Variants in SLC6A4 observed in about 807,000 individuals in gnomAD.
The protein encoded by SLC6A4 is sodium-dependent serotonin transporter.
SLC6A4 carries 22 observed loss-of-function variants against 73.4 expected under a neutral mutation model. The ratio of observed to expected loss-of-function variants is 0.30; its 90% CI spans 0.21 to 0.43. The LOEUF is 0.43. SLC6A4 is among the 20% of genes least tolerant of loss of function. The probability of loss-of-function intolerance (pLI) is 1.00; values close to 1 mark genes in which losing one functional copy is unlikely to be tolerated. For synonymous variants in SLC6A4, 270 were observed against 315.5 expected (o/e 0.86, Z 1.53); for missense variants, 593 against 808.5 (o/e 0.73, Z 3.23).
chr17:30,209,373 C>A, intron 11 of SLC6A4, 131 bp from the exon 12 acceptor site: 1 of 604,660 alleles, frequency 1.7e-6, no homozygotes, highest in Non-Finnish European at 2.9e-6. Flanking sequence ...CGTGAGTACC[C>A]CAGAAACTGC....
intron 13 of SLC6A4, among the ~76,000 whole-genome samples, chr17:30,206,975 G>C (rs192404809): frequency 3.3e-5 from 5 of 152,002 alleles, no homozygotes; most frequent in African/African-American, 9.6e-5. Context: ...CAAAGTGCTG[G>C]GATAACAGGC....
At chr17:30,205,027 T>C (rs1906148014) in intron 13 of SLC6A4, among the ~76,000 whole-genome samples, 1 of 152,150 alleles carries the variant, frequency 6.6e-6, no homozygotes, top group Non-Finnish European at 1.5e-5. Flanking sequence ...TCAAAATAAA[T>C]AATATTTTAT....
intron 12 of SLC6A4, 60 bp from the exon 13 acceptor site, chr17:30,207,892 G>A (rs1906257904): frequency 1.2e-5 from 15 of 1,245,588 alleles, no homozygotes; most frequent in Non-Finnish European, 1.8e-5. Context: ...CTGTGCTGCT[G>A]TGCCCTGATT....
Position 30,196,283 on chromosome 17 carries a change from TA to T in SLC6A4, c.*2172del, listed in dbSNP as rs985849244. On this transcript the variant is annotated 3_prime_UTR_variant, in exon 15 of 15. Transcript: ENST00000650711. ...CACCTACCTACTCTTAAATTTTCTT[TA>T]AAAAAAAAAAACCCCATCATAGTAT... is the stretch of plus-strand genomic sequence containing the variant. 222 of 143,532 alleles carry T rather than the reference TA, an allele frequency of 1.5e-3. 2 individuals are homozygous for T. Among genetic ancestry groups the T allele is most frequent in the Middle Eastern group, 0.011 (3 of 276 alleles). The allele number at this position is 143,532 out of a possible 1,614,324, so 8.9% of individuals were successfully genotyped here.
At chr17:30,205,370 A>T (rs916279131) in intron 13 of SLC6A4, among the ~76,000 whole-genome samples, 2 of 152,196 alleles carry the variant, frequency 1.3e-5, no homozygotes, top group Non-Finnish European at 2.9e-5. Flanking sequence ...TCTGCCCTCA[A>T]GGAATTAATC....
intron 1 of SLC6A4, among the ~76,000 whole-genome samples, chr17:30,231,701 A>T (rs1474281362): frequency 2.0e-5 from 3 of 152,178 alleles, no homozygotes; most frequent in Non-Finnish European, 4.4e-5. Flanking sequence ...TTCAAAAGAA[A>T]AAATAATTCT....
rs201004859 is a variant in SLC6A4, at chr17:30,218,807, C to T, written c.468G>A (p.Pro156=). ...GCISIWRKIC[P]IFKGIGYAIC... ...GAGCCCTTCAGTTACCTTTGAAAAT[C>T]GGGCAGATTTTCCTCCATATTGAAA... The change falls in exon 4 of 15, where the codon CCG becomes CCA. Residue 156 remains proline (P), a synonymous_variant. Coordinates refer to ENST00000650711, the MANE Select transcript of SLC6A4 (RefSeq NM_001045.6). The T allele has an allele frequency of 5.6e-6, 9 of 1,614,038 alleles. No individual in the cohort carries two copies. The highest frequency in any genetic ancestry group is 4.5e-5 in the East Asian group (2 of 44,882).
In SLC6A4 at chr17:30,218,934, G is replaced by A. The variant is rs202189472; in HGVS notation, c.344-3C>T. ...GGTGTAGGGGAGGAGGAATGCCCCT[G>A]AGGCAGATGAAAGACAATTTCACTC... On this transcript the variant is annotated splice_polypyrimidine_tract_variant and splice_region_variant and intron_variant, in intron 3 of 14. Transcript: ENST00000650711. 6.2e-7 allele frequency: 1 copy of A among 1,613,962 alleles called. No homozygotes were observed. Among genetic ancestry groups the A allele is most frequent in the Non-Finnish European group, 8.5e-7 (1 of 1,180,004 alleles).
chr17:30,203,683 G>A (rs1906104411), intron 13 of SLC6A4: 2 of 237,842 alleles, frequency 8.4e-6, no homozygotes, highest in Admixed American at 5.0e-5. Flanking sequence ...TGGCAACCTT[G>A]AGAGTAATTT....
intron 8 of SLC6A4, 105 bp downstream of exon 8, chr17:30,215,506 A>T: frequency 1.1e-6 from 1 of 920,612 alleles, no homozygotes; most frequent in Non-Finnish European, 1.8e-6. Flanking sequence ...ATCAAGGCCT[A>T]AGCCTGGCCA....
intron 14 of SLC6A4, among the ~76,000 whole-genome samples, chr17:30,198,965 C>T (rs1905947516): frequency 6.6e-6 from 1 of 152,174 alleles, no homozygotes; most frequent in Non-Finnish European, 1.5e-5. Context: ...CCTGCAGACA[C>T]ACTGCAGCCA....
At chr17:30,215,957 A>G in intron 7 of SLC6A4, 125 bp downstream of exon 7, 1 of 877,512 alleles carries the variant, frequency 1.1e-6, no homozygotes, top group Non-Finnish European at 1.8e-6. Context: ...TTCTTGGTTA[A>G]AGTATCATTG....
rs1463383113 is a variant in SLC6A4, at chr17:30,196,893, C to T, written c.*1563G>A. 6.6e-6 allele frequency: 1 copy of T among 152,248 alleles called. No homozygotes were observed. Among genetic ancestry groups the T allele is most frequent in the African/African-American group, 2.4e-5 (1 of 41,404 alleles). The allele number at this position is 152,248 out of a possible 1,614,324, so 9.4% of individuals were successfully genotyped here. A position where few individuals can be genotyped will look rare whatever the true frequency, so the allele number is the denominator to read the frequency against. On this transcript the variant is annotated 3_prime_UTR_variant, in exon 15 of 15. Coordinates refer to ENST00000650711, the MANE Select transcript of SLC6A4 (RefSeq NM_001045.6). The stretch of plus-strand genomic sequence containing the variant: ...AATGCAGGAAGTGGGCCAGGGTAGA[C>T]AATGCTGGGGAAAGGAGGCCAAGGG...
At chr17:30,213,617 A>G (rs1269005649) in intron 8 of SLC6A4, among the ~76,000 whole-genome samples, 4 of 152,132 alleles carry the variant, frequency 2.6e-5, no homozygotes, top group African/African-American at 9.7e-5. Flanking sequence ...GTACATGTGA[A>G]TCTCCCTCCC....
Position 30,207,823 on chromosome 17 carries a change from T to C in SLC6A4, c.1559A>G (p.Gln520Arg). 1 of 1,613,648 alleles carries C rather than the reference T, an allele frequency of 6.2e-7. No individual in the cohort carries two copies. The highest frequency in any genetic ancestry group is 8.5e-7 in the Non-Finnish European group (1 of 1,179,738). Residue 520 changes from glutamine to arginine, a missense_variant, in exon 13 of 15, where the codon CAG becomes CGG. Coordinates refer to ENST00000650711, the MANE Select transcript of SLC6A4 (RefSeq NM_001045.6). The part of the protein sequence containing the change: ...VAVSWFYGIT[Q>R]FCRDVKEMLG... ...CATTTCCTTCACGTCCCTGCAGAACTGAGTGATGCCTGGAACCGCCCAAGG... is the reference window on the plus strand; with the variant it reads ...CATTTCCTTCACGTCCCTGCAGAACCGAGTGATGCCTGGAACCGCCCAAGG...
rs1906361069 is a variant in SLC6A4 at position 30,210,742 on chromosome 17, G to T, written c.1318-96C>A. 10 of 1,364,460 alleles carry T rather than the reference G, an allele frequency of 7.3e-6. No individual in the cohort carries two copies. In the South Asian group the frequency reaches 1.4e-4, roughly 20 times the overall value. 84.5% of individuals were successfully genotyped at this position (1,364,460 alleles called of 1,614,324 possible). A position where few individuals can be genotyped will look rare whatever the true frequency, so the allele number is the denominator to read the frequency against. On this transcript the variant is annotated intron_variant, in intron 10 of 14. Coordinates refer to ENST00000650711, the MANE Select transcript of SLC6A4 (RefSeq NM_001045.6). Reference sequence around the variant, plus strand: ...GGAGGGAGGGGTAAGGTTGCTAAGTGACTGGTCAAGCTGATCATCACCAGT... The same window carrying T: ...GGAGGGAGGGGTAAGGTTGCTAAGTTACTGGTCAAGCTGATCATCACCAGT...
chr17:30,232,062 G>A (rs1907129941), intron 1 of SLC6A4, among the ~76,000 whole-genome samples: 1 of 152,146 alleles, frequency 6.6e-6, no homozygotes, highest in Admixed American at 6.5e-5. Context: ...TGGCCCCTTA[G>A]AGGAAAAAGT....
intron 7 of SLC6A4, 35 bp from the exon 8 acceptor site, chr17:30,215,749 G>A: frequency 6.3e-7 from 1 of 1,577,570 alleles, no homozygotes. Flanking sequence ...ATGGGGTGAG[G>A]GGGAGACACA....
chr17:30,203,958 T>C (rs981925249), intron 13 of SLC6A4, among the ~76,000 whole-genome samples: 5 of 152,248 alleles, frequency 3.3e-5, no homozygotes, highest in African/African-American at 1.2e-4. Flanking sequence ...CTGCATCGCC[T>C]GGAGTTTCAA....
Sources: gnomAD v4.1 joint callset for allele counts (sites outside exome capture counted in the v4.1 genomes callset) on GRCh38, gnomAD v4.1.1 for gene constraint, MANE v1.5 for transcripts, NCBI Gene and HGNC (gene_info 2026-07-23, HGNC 2026-07-21) for gene names.